GOSR1: variants seen among roughly 807,000 people sequenced by gnomAD.
The protein encoded by GOSR1 is golgi SNAP receptor complex member 1.
Under a neutral mutation model 35.5 loss-of-function variants are expected in GOSR1, and 21 were observed. The ratio of observed to expected loss-of-function variants is 0.59; its 90% CI spans 0.42 to 0.85. The LOEUF (loss-of-function observed/expected upper bound fraction) is 0.85, where lower values mean the gene tolerates loss of function less well. GOSR1 is among the 40% of genes least tolerant of loss of function. GOSR1 has a pLI of 0.00. For synonymous variants in GOSR1, 94 were observed against 106.6 expected, an observed-to-expected ratio of 0.88 and a Z score of 0.73; for missense variants, 285 against 309.6, an observed-to-expected ratio of 0.92 and a Z score of 0.60.
chr17:30,519,744 CAG>C, intron 7 of GOSR1, 193 bp from the exon 8 acceptor site: 1 of 502,232 alleles, frequency 2.0e-6, no homozygotes, highest in Non-Finnish European at 3.5e-6. Context: ...AAAAAGATAT[CAG>C]AGAACAGTGG....
chr17:30,527,510 C>G lies in GOSR1; in HGVS notation c.*5132C>G, dbSNP rs1440837923. 6.6e-6 allele frequency: 1 copy of G among 152,028 alleles called. No individual in the cohort carries two copies. The highest frequency in any genetic ancestry group is 1.9e-4 in the East Asian group (1 of 5,188). The allele number at this position is 152,028 out of a possible 1,614,324, so 9.4% of individuals were successfully genotyped here. ...ATAAGGATGGCTACCATAATTGTGC[C>G]CTGATTATATTGTCAGGGTTATGTG... On this transcript the variant is annotated 3_prime_UTR_variant, in exon 9 of 9. Coordinates refer to ENST00000451249, the MANE Select transcript of GOSR1 (RefSeq NM_001007025.2).
chr17:30,514,475 A>T (rs1342916520), intron 7 of GOSR1, among the ~76,000 whole-genome samples: 1 of 152,180 alleles, frequency 6.6e-6, no homozygotes, highest in African/African-American at 2.4e-5. Context: ...CGTATTCTTG[A>T]TTCATTATTT....
intron 6 of GOSR1, among the ~76,000 whole-genome samples, chr17:30,502,655 C>A (rs1967252732): frequency 6.6e-6 from 1 of 152,096 alleles, no homozygotes; most frequent in Non-Finnish European, 1.5e-5. Context: ...GCTAAACAAC[C>A]CATGAACAAA....
intron 6 of GOSR1, among the ~76,000 whole-genome samples, chr17:30,498,286 A>C (rs568901567): frequency 6.6e-6 from 1 of 152,050 alleles, no homozygotes; most frequent in South Asian, 2.1e-4. Context: ...TTGAGCATCT[A>C]TGATGTGGAA....
chr17:30,520,042 CA>C, intron 8 of GOSR1, 21 bp downstream of exon 8: 1 of 1,497,938 alleles, frequency 6.7e-7, no homozygotes, highest in East Asian at 2.3e-5. Context: ...TGAATGTTCG[CA>C]GTCTGTGTTT....
At chr17:30,509,989 C>T (rs1293505268) in intron 6 of GOSR1, among the ~76,000 whole-genome samples, 1 of 152,130 alleles carries the variant, frequency 6.6e-6, no homozygotes, top group Non-Finnish European at 1.5e-5. Flanking sequence ...TTTATGCTGT[C>T]ATTAAAACTG....
At position 30,522,379 on chromosome 17, in the gene GOSR1, T is replaced by C. The variant is rs373019750; in HGVS notation, c.*1T>C. On this transcript the variant is annotated 3_prime_UTR_variant, in exon 9 of 9. Transcript: ENST00000451249. ...GTTGCTGCTGTATGCGTTCCATTGA[T>C]GGGACATCTTCAGGGACTCTTGACA... 48 of 1,568,942 alleles carry C rather than the reference T, an allele frequency of 3.1e-5. 1 individual carries two copies. The highest frequency in any genetic ancestry group is 4.0e-5 in the Non-Finnish European group (46 of 1,156,664).
At chr17:30,502,721 C>G (rs1433564660) in intron 6 of GOSR1, among the ~76,000 whole-genome samples, 2 of 152,188 alleles carry the variant, frequency 1.3e-5, no homozygotes, top group Non-Finnish European at 2.9e-5. Flanking sequence ...GCCACCATAT[C>G]AGTGTTAATG....
chr17:30,505,284 C>T (rs1967358964), intron 6 of GOSR1, among the ~76,000 whole-genome samples: 2 of 152,028 alleles, frequency 1.3e-5, no homozygotes, highest in African/African-American at 4.8e-5. Context: ...CCTGTGATTC[C>T]AGTTACTTGG....
intron 6 of GOSR1, 109 bp from the exon 7 acceptor site, chr17:30,510,771 A>G (rs1000621239): frequency 3.1e-6 from 2 of 645,486 alleles, no homozygotes; most frequent in East Asian, 2.7e-5. Flanking sequence ...AAAGCTAGAC[A>G]TTCTGTATAC....
chr17:30,505,478 C>G (rs1460443561), intron 6 of GOSR1, among the ~76,000 whole-genome samples: 2 of 152,170 alleles, frequency 1.3e-5, no homozygotes, highest in Non-Finnish European at 2.9e-5. Context: ...TTGCACTTTA[C>G]AGATACTATT....
At chr17:30,506,659 G>A (rs1298217375) in intron 6 of GOSR1, among the ~76,000 whole-genome samples, 1 of 152,214 alleles carries the variant, frequency 6.6e-6, no homozygotes, top group African/African-American at 2.4e-5. Context: ...CATTGATAAA[G>A]GTGGCTCCAC....
At chr17:30,480,253 T>G (rs1442941346) in intron 1 of GOSR1, 2 of 150,510 alleles carry the variant, frequency 1.3e-5, no homozygotes, top group Admixed American at 1.3e-4. Context: ...GAGTATGCAG[T>G]GAGCCAAGGT....
chr17:30,512,008 G>A (rs1373145124), intron 7 of GOSR1, among the ~76,000 whole-genome samples: 1 of 152,134 alleles, frequency 6.6e-6, no homozygotes, highest in Non-Finnish European at 1.5e-5. Flanking sequence ...TAGTATTAAG[G>A]ATTCAGATCC....
intron 6 of GOSR1, chr17:30,495,421 T>G (rs1230928990): frequency 4.4e-6 from 2 of 455,894 alleles, no homozygotes; most frequent in Admixed American, 4.7e-5. Context: ...GTTGACAACT[T>G]TCAGAGGTTT....
chr17:30,501,636 C>T (rs1250366446), intron 6 of GOSR1, among the ~76,000 whole-genome samples: 32 of 152,086 alleles, frequency 2.1e-4, no homozygotes, highest in Admixed American at 2.1e-3. Flanking sequence ...GCTGGGATTA[C>T]AGGTGCGTGC....
In GOSR1 at chr17:30,523,407, A is replaced by C. The variant is rs1311306450; in HGVS notation, c.*1029A>C. 6.8e-5 allele frequency: 10 copies of C among 147,150 alleles called. No homozygotes were observed. The highest frequency in any genetic ancestry group is 1.6e-4 in the South Asian group (1 of 6,208). The allele number at this position is 147,150 out of a possible 1,614,324, so 9.1% of individuals were successfully genotyped here. Reference sequence around the variant, plus strand: ...GCCACCCCGTCTGAGAAGTGAGGAGACCTCCGCCCGGCAGCCGCCCTGTCT... The same window carrying C: ...GCCACCCCGTCTGAGAAGTGAGGAGCCCTCCGCCCGGCAGCCGCCCTGTCT... On this transcript the variant is annotated 3_prime_UTR_variant, in exon 9 of 9. Transcript: ENST00000451249.
chr17:30,480,331 G>A (rs1358873152), intron 1 of GOSR1, among the ~76,000 whole-genome samples: 1 of 151,358 alleles, frequency 6.6e-6, no homozygotes, highest in Non-Finnish European at 1.5e-5. Flanking sequence ...GAAAAAAAAA[G>A]GTAAGTCATT....
At chr17:30,481,059 A>G in intron 1 of GOSR1, 84 bp from the exon 2 acceptor site, 1 of 888,920 alleles carries the variant, frequency 1.1e-6, no homozygotes, top group South Asian at 1.4e-5. Flanking sequence ...GATCATTTTC[A>G]TAGTTTGTTT....
Sources: gnomAD v4.1 joint callset for allele counts (sites outside exome capture counted in the v4.1 genomes callset) on GRCh38, gnomAD v4.1.1 for gene constraint, MANE v1.5 for transcripts, NCBI Gene and HGNC (gene_info 2026-07-23, HGNC 2026-07-21) for gene names.